C8orf34: variants seen among roughly 807,000 people sequenced by gnomAD.
The protein encoded by C8orf34 is chromosome 8 open reading frame 34, also known as uncharacterized protein C8orf34.
Under a neutral mutation model 68.3 loss-of-function variants are expected in C8orf34, and 65 were observed. The observed-to-expected ratio is 0.95, with a 90% CI of 0.78 to 1.17. C8orf34 has a LOEUF of 1.17. Among genes scored for constraint, C8orf34 ranks in the 50% most tolerant of loss-of-function variants. The probability of loss-of-function intolerance (pLI) is 0.00; values close to 1 mark genes in which losing one functional copy is unlikely to be tolerated. For synonymous variants in C8orf34, 244 were observed against 241.2 expected (o/e 1.01, Z -0.11); for missense variants, 664 against 655.4 (o/e 1.01, Z -0.14).
chr8:68,465,849 C>T (rs1323529546), intron 3 of C8orf34, among the ~76,000 whole-genome samples: 3 of 151,368 alleles, frequency 2.0e-5, no homozygotes, highest in Non-Finnish European at 4.4e-5. Flanking sequence ...ATACCTAATG[C>T]TAAATGACGA....
At chr8:68,595,456 G>A (rs191349604) in intron 7 of C8orf34, among the ~76,000 whole-genome samples, 1 of 151,978 alleles carries the variant, frequency 6.6e-6, no homozygotes, top group Non-Finnish European at 1.5e-5. Context: ...GTTTTGGTTG[G>A]TTTTTATAGA....
chr8:68,677,356 C>G (rs986367526), intron 8 of C8orf34, among the ~76,000 whole-genome samples: 1 of 152,098 alleles, frequency 6.6e-6, no homozygotes, highest in East Asian at 1.9e-4. Flanking sequence ...CCTAATGATG[C>G]ATCTTTTTTT....
intron 7 of C8orf34, among the ~76,000 whole-genome samples, chr8:68,541,196 C>T (rs944713467): frequency 6.6e-6 from 1 of 152,098 alleles, no homozygotes; most frequent in Admixed American, 6.5e-5. Flanking sequence ...GGCATGCTGG[C>T]TCACACCTGT....
chr8:68,759,839 T>C (rs1185045366), intron 10 of C8orf34, among the ~76,000 whole-genome samples: 1 of 152,232 alleles, frequency 6.6e-6, no homozygotes, highest in Admixed American at 6.5e-5. Context: ...CTAGGCTTAG[T>C]GCATCCATTC....
At chr8:68,687,784 G>T (rs781181398) in intron 8 of C8orf34, among the ~76,000 whole-genome samples, 4 of 152,010 alleles carry the variant, frequency 2.6e-5, no homozygotes, top group Non-Finnish European at 5.9e-5. Context: ...AAGCTAAAAA[G>T]CTTCTGTACA....
intron 9 of C8orf34, among the ~76,000 whole-genome samples, chr8:68,714,574 G>T (rs1020358183): frequency 2.6e-5 from 4 of 152,058 alleles, no homozygotes; most frequent in Non-Finnish European, 5.9e-5. Flanking sequence ...ACAAGGAAGT[G>T]AAAGACCTCT....
At chr8:68,718,915 T>C (rs1409143642) in intron 9 of C8orf34, among the ~76,000 whole-genome samples, 1 of 152,150 alleles carries the variant, frequency 6.6e-6, no homozygotes, top group Non-Finnish European at 1.5e-5. Context: ...AATGAGGATA[T>C]AAGATAAACT....
intron 12 of C8orf34, among the ~76,000 whole-genome samples, chr8:68,799,552 A>G (rs1423663716): frequency 1.3e-5 from 2 of 152,172 alleles, no homozygotes; most frequent in South Asian, 2.1e-4. Flanking sequence ...TGAGATTTTT[A>G]TCCCAAACCA....
At chr8:68,570,283 C>T (rs1039756536) in intron 7 of C8orf34, among the ~76,000 whole-genome samples, 1 of 152,160 alleles carries the variant, frequency 6.6e-6, no homozygotes, top group African/African-American at 2.4e-5. Flanking sequence ...TGCAATTACT[C>T]TTTCCTACTC....
chr8:68,372,588 C>T lies in C8orf34; in HGVS notation c.327+41249C>T, dbSNP rs138355388. Among the ~76,000 whole-genome samples the T allele has an allele frequency of 2.6e-3, 397 of 152,294 alleles. 5 individuals carry two copies. Among genetic ancestry groups the T allele is most frequent in the African/African-American group, 9.1e-3 (377 of 41,558 alleles). On this transcript the variant is annotated intron_variant, in intron 1 of 13. Coordinates refer to ENST00000518698, the MANE Select transcript of C8orf34 (RefSeq NM_052958.4). ...TCTTCCTGTTTTCCCATTTTTGCAA[C>T]TCTCCCTAGGAGCATAACTTACTAT...
intron 7 of C8orf34, among the ~76,000 whole-genome samples, chr8:68,595,705 T>C (rs1414865541): frequency 6.6e-6 from 1 of 152,118 alleles, no homozygotes; most frequent in Non-Finnish European, 1.5e-5. Context: ...CTGAGACATC[T>C]ATCATACAGA....
intron 1 of C8orf34, among the ~76,000 whole-genome samples, chr8:68,387,258 T>G (rs1355026944): frequency 6.6e-6 from 1 of 151,858 alleles, no homozygotes; most frequent in Non-Finnish European, 1.5e-5. Flanking sequence ...GGTAGGAGAG[T>G]GCATGTCAAA....
At chr8:68,352,152 C>T (rs1180326533) in intron 1 of C8orf34, among the ~76,000 whole-genome samples, 2 of 151,908 alleles carry the variant, frequency 1.3e-5, no homozygotes, top group Admixed American at 6.6e-5. Flanking sequence ...CTTGGCTATT[C>T]ATTCTCTTGA....
At chr8:68,722,902 A>G (rs947605776) in intron 10 of C8orf34, among the ~76,000 whole-genome samples, 2 of 152,050 alleles carry the variant, frequency 1.3e-5, no homozygotes, top group African/African-American at 4.8e-5. Context: ...AAATAGAAAA[A>G]ACCATGGTAA....
At chr8:68,739,124 A>G (rs1000088200) in intron 10 of C8orf34, among the ~76,000 whole-genome samples, 3 of 152,200 alleles carry the variant, frequency 2.0e-5, no homozygotes, top group African/African-American at 7.2e-5. Flanking sequence ...CCTGGGACGC[A>G]TGGTTGGTTC....
chr8:68,716,664 A>G (rs1383254709), intron 9 of C8orf34, among the ~76,000 whole-genome samples: 1 of 152,040 alleles, frequency 6.6e-6, no homozygotes, highest in Admixed American at 6.5e-5. Flanking sequence ...GTGAAGTCAT[A>G]GATGAAAAGA....
chr8:68,526,561 A>G (rs1025962648), intron 6 of C8orf34, among the ~76,000 whole-genome samples: 1 of 152,100 alleles, frequency 6.6e-6, no homozygotes, highest in Non-Finnish European at 1.5e-5. Context: ...TCATATTTAT[A>G]TATTCTTAAA....
intron 10 of C8orf34, among the ~76,000 whole-genome samples, chr8:68,754,741 G>A (rs911747248): frequency 2.0e-5 from 3 of 152,198 alleles, no homozygotes; most frequent in Non-Finnish European, 4.4e-5. Context: ...AAGGTGACAT[G>A]GGTATCATAG....
At chr8:68,553,849 A>G (rs1816165308) in intron 7 of C8orf34, among the ~76,000 whole-genome samples, 1 of 148,524 alleles carries the variant, frequency 6.7e-6, no homozygotes, top group Non-Finnish European at 1.5e-5. Flanking sequence ...TGAAGTAATA[A>G]ATATGTTTAT....
Sources: allele counts gnomAD v4.1 joint callset (sites outside exome capture counted in the v4.1 genomes callset), GRCh38; gene constraint gnomAD v4.1.1; transcripts MANE v1.5; gene names NCBI Gene and HGNC (gene_info 2026-07-23, HGNC 2026-07-21).